Variants in CENPT observed in about 807,000 individuals in gnomAD.
The protein encoded by CENPT is centromere protein T.
A neutral mutation model predicts 59.7 loss-of-function variants in CENPT; 42 were observed. That is an observed-to-expected ratio of 0.70 (90% CI 0.55 to 0.91). The LOEUF (loss-of-function observed/expected upper bound fraction) is 0.91. Ranked by LOEUF, CENPT falls within the 40% of genes least tolerant of loss-of-function variation. CENPT has a pLI of 0.00. For synonymous variants in CENPT, 295 were observed against 289.6 expected (o/e 1.02, Z -0.19); for missense variants, 716 against 713.4 (o/e 1.00, Z -0.04).
chr16:67,829,883 G>C lies in CENPT; in HGVS notation c.1068C>G (p.Ser356Arg), dbSNP rs1336523862. 6.2e-7 allele frequency: 1 copy of C among 1,614,224 alleles called. No individual in the cohort carries two copies. The highest frequency in any genetic ancestry group is 8.5e-7 in the Non-Finnish European group (1 of 1,180,030). The change falls in exon 12 of 16, where the codon AGC (serine) becomes AGG (arginine). Residue 356 changes from serine (S) to arginine (R), a missense_variant. Physicochemically the swap from Ser to Arg is moderately radical, Grantham distance 110. Coordinates refer to ENST00000562787, the MANE Select transcript of CENPT (RefSeq NM_025082.4). ...TGTGTCCCTCAGCCTCTTCTACCCT[G>C]CTGGGTCCTTGTGCTCCTGTTGCCT... is the stretch of plus-strand genomic sequence containing the variant. ...EMEATGAQGP[S>R]RVEEAEGHTE...
At chr16:67,838,364 G>A (rs988573214) in intron 1 of CENPT, among the ~76,000 whole-genome samples, 9 of 152,184 alleles carry the variant, frequency 5.9e-5, no homozygotes, top group African/African-American at 2.2e-4. Context: ...GTTCATGCCT[G>A]TAATCCCAGC....
chr16:67,832,136 G>A (rs1302228548), intron 6 of CENPT, 28 bp from the exon 7 acceptor site: 7 of 1,607,890 alleles, frequency 4.4e-6, no homozygotes, highest in Non-Finnish European at 6.0e-6. Context: ...AGAGGGTGGG[G>A]CTGACAGAAC....
At chr16:67,832,592 T>C in intron 4 of CENPT, 47 bp from the exon 5 acceptor site, 1 of 1,498,148 alleles carries the variant, frequency 6.7e-7, no homozygotes, top group Non-Finnish European at 9.3e-7. Flanking sequence ...TGAGGAGGGA[T>C]AGAGAATATA....
chr16:67,838,230 T>A (rs1038230258), intron 1 of CENPT, among the ~76,000 whole-genome samples: 1 of 152,216 alleles, frequency 6.6e-6, no homozygotes, highest in African/African-American at 2.4e-5. Context: ...CAATTTGGCC[T>A]CTCAACATTT....
rs747514427 is a variant in CENPT at position 67,831,891 on chromosome 16, C to A, written c.387-1G>T. On this transcript the variant is annotated splice_acceptor_variant, in intron 7 of 15. Transcript: ENST00000562787. LOFTEE classifies it high-confidence loss of function. ...GAGCTCAGGAAGTTGCAGCTCCAGG[C>A]TATAAGAATGGAGCTTATCTCAGAC... 6.2e-7 allele frequency: 1 copy of A among 1,610,986 alleles called. No homozygotes were observed. Among genetic ancestry groups the A allele is most frequent in the African/African-American group, 1.3e-5 (1 of 74,852 alleles).
intron 1 of CENPT, among the ~76,000 whole-genome samples, chr16:67,846,152 T>C (rs971774094): frequency 1.3e-5 from 2 of 152,266 alleles, no homozygotes; most frequent in Non-Finnish European, 2.9e-5. Context: ...AAGAGAACTA[T>C]TTACAATCTG....
At chr16:67,844,854 T>A (rs1042849651) in intron 1 of CENPT, among the ~76,000 whole-genome samples, 1 of 151,986 alleles carries the variant, frequency 6.6e-6, no homozygotes, top group Non-Finnish European at 1.5e-5. Context: ...AATGGTGTGA[T>A]CTCAGCTCAC....
intron 1 of CENPT, chr16:67,846,618 T>G (rs1025126972): frequency 1.3e-5 from 2 of 152,400 alleles, no homozygotes; most frequent in Non-Finnish European, 2.9e-5. Flanking sequence ...CCCACCCCAG[T>G]GCACAGACTG....
Position 67,831,366 on chromosome 16 carries a change from G to C in CENPT, c.561-8C>G, listed in dbSNP as rs2057687169. 1.2e-6 allele frequency: 2 copies of C among 1,611,962 alleles called. No individual in the cohort carries two copies. Among genetic ancestry groups the C allele is most frequent in the Non-Finnish European group, 8.5e-7 (1 of 1,178,484 alleles). On this transcript the variant is annotated splice_region_variant and splice_polypyrimidine_tract_variant and intron_variant, in intron 9 of 15. Transcript: ENST00000562787. ...AAGGTCAGGTTGAGGGATCTGGTGA[G>C]GTGGGGAGGCACAGAGGAAAGTCAG...
In CENPT at chr16:67,843,771, T is replaced by C. The variant is rs544565336; in HGVS notation, c.-492+3630A>G. 6.0e-5 allele frequency: 26 copies of C among 436,654 alleles called. No individual in the cohort carries two copies. In the South Asian group the frequency reaches 8.1e-4, roughly 14 times the overall value. 27.0% of individuals were successfully genotyped at this position (436,654 alleles called of 1,614,324 possible). On this transcript the variant is annotated intron_variant, in intron 1 of 15. Transcript: ENST00000562787. The surrounding 1 kb of genome is among the most constrained non-coding windows in gnomAD (Gnocchi z 5.7). ...TGCAGATTCTGGTTAAGCAGAGGCT[T>C]CAGAACCACTGAACTTGAAACTTAC...
In CENPT at chr16:67,830,446, G is replaced by T. The variant is rs1307103716; in HGVS notation, c.806C>A (p.Ala269Asp). The T allele has an allele frequency of 6.2e-7, 1 of 1,614,146 alleles. No individual in the cohort carries two copies. The highest frequency in any genetic ancestry group is 1.7e-5 in the Admixed American group (1 of 59,994). The change falls in exon 11 of 16, where the codon GCT becomes GAT. Residue 269 changes from alanine (A) to aspartate (D), a missense_variant. Physicochemically the swap from Ala to Asp is moderately radical, Grantham distance 126 (BLOSUM62 -2). Transcript: ENST00000562787. ...PCTPHTGAED[A>D]EQAAGRKTQS... ...TGTCTTGCGACCGGCAGCCTGCTCA[G>T]CGTCTTCAGCCCCAGTGTGAGGCGT...
intron 1 of CENPT, among the ~76,000 whole-genome samples, chr16:67,840,848 G>A (rs2057756266): frequency 6.6e-6 from 1 of 151,466 alleles, no homozygotes; most frequent in Non-Finnish European, 1.5e-5. Context: ...ACAACATTTT[G>A]TGTTCTTTAA....
intron 4 of CENPT, 71 bp downstream of exon 4, chr16:67,833,679 C>G: frequency 1.1e-6 from 1 of 936,766 alleles, no homozygotes; most frequent in Non-Finnish European, 1.5e-6. Flanking sequence ...AGAGTCGACG[C>G]TGGGTTCCAC....
At position 67,831,320 on chromosome 16, in the gene CENPT, T is replaced by G; in HGVS notation, c.599A>C (p.Gln200Pro). The change falls in exon 10 of 16, where the codon CAG becomes CCG. Residue 200 changes from glutamine to proline, a missense_variant. Gln to Pro is a moderately conservative substitution (Grantham distance 76). Transcript: ENST00000562787. Reference sequence around the variant, plus strand: ...GGCCAAGCCAGGCCTCTGCACTGACTGTGGCTGAAGAGGTGTGGCAAAGGT... The same window carrying G: ...GGCCAAGCCAGGCCTCTGCACTGACGGTGGCTGAAGAGGTGTGGCAAAGGT... ...NLTFATPLQP[Q>P]SVQRPGLARR... The G allele has an allele frequency of 6.2e-7, 1 of 1,614,184 alleles. No homozygotes were observed.
At position 67,833,644 on chromosome 16, in the gene CENPT, T is replaced by C. The variant is rs150162394; in HGVS notation, c.110+106A>G. The C allele has an allele frequency of 1.1e-3, 696 of 655,624 alleles. 3 individuals are homozygous for C. In the African/African-American group the frequency reaches 0.012, roughly 12 times the overall value. 40.6% of individuals were successfully genotyped at this position (655,624 alleles called of 1,614,324 possible). On this transcript the variant is annotated intron_variant, in intron 4 of 15. Transcript: ENST00000562787. ...GTTCCACCCAGACCCTGCTCCTCTCTGAGACTCAGTTTTCCTCTTCGAACA... is the reference window on the plus strand; with the variant it reads ...GTTCCACCCAGACCCTGCTCCTCTCCGAGACTCAGTTTTCCTCTTCGAACA...
In CENPT at chr16:67,842,620, C is replaced by T; in HGVS notation, c.-492+4781G>A. 6.4e-7 allele frequency: 1 copy of T among 1,551,764 alleles called. No homozygotes were observed. Among genetic ancestry groups the T allele is most frequent in the East Asian group, 2.4e-5 (1 of 40,978 alleles). ...ACTCGCACCGGGACAAGGCGCTGCA[C>T]TTCTACACGTTTCCAAAGGACGCTG... On this transcript the variant is annotated intron_variant, in intron 1 of 15. Coordinates refer to ENST00000562787, the MANE Select transcript of CENPT (RefSeq NM_025082.4). This position sits in a 1 kb window ranked among gnomAD's most constrained non-coding sequence, Gnocchi z 4.9.
Position 67,832,062 on chromosome 16 carries a change from C to T in CENPT, c.336G>A (p.Val112=), listed in dbSNP as rs1432045074. The change falls in exon 7 of 16, where the codon GTG becomes GTA. Residue 112 remains valine, a synonymous_variant. Coordinates refer to ENST00000562787, the MANE Select transcript of CENPT (RefSeq NM_025082.4). ...ILMPESVVKP[V]PAPQAVQPSR... is the part of the protein sequence containing the mutation. ...AGGGTTGGACCGCCTGCGGTGCTGGCACTGGCTTCACTACCGACTCAGGCA... is the reference window on the plus strand; with the variant it reads ...AGGGTTGGACCGCCTGCGGTGCTGGTACTGGCTTCACTACCGACTCAGGCA... 6.2e-7 allele frequency: 1 copy of T among 1,612,038 alleles called. No homozygotes were observed. The highest frequency in any genetic ancestry group is 1.3e-5 in the African/African-American group (1 of 75,026).
chr16:67,831,916 C>T, intron 7 of CENPT, 26 bp from the exon 8 acceptor site: 1 of 1,606,708 alleles, frequency 6.2e-7, no homozygotes, highest in Non-Finnish European at 8.5e-7. Flanking sequence ...TTATCTCAGA[C>T]AGGCCAGGAA....
At chr16:67,829,048 G>C in intron 13 of CENPT, 1 of 558,704 alleles carries the variant, frequency 1.8e-6, no homozygotes, top group Non-Finnish European at 3.1e-6. Context: ...TCCCTCCACA[G>C]TCGACTCGAC....
Sources: gnomAD v4.1 joint callset for allele counts (sites outside exome capture counted in the v4.1 genomes callset) on GRCh38, gnomAD v4.1.1 for gene constraint, Gnocchi (gnomAD v3.1) non-coding constraint, MANE v1.5 for transcripts, NCBI Gene and HGNC (gene_info 2026-07-23, HGNC 2026-07-21) for gene names.